TNRC6A: variants seen among roughly 807,000 people sequenced by gnomAD.
TNRC6A encodes trinucleotide repeat-containing gene 6A protein.
A neutral mutation model predicts 221.2 loss-of-function variants in TNRC6A; 44 were observed. The observed-to-expected ratio is 0.20, with a 90% CI of 0.16 to 0.26. The LOEUF is 0.26. Among genes scored for constraint, TNRC6A ranks in the 10% least tolerant of loss-of-function variants. The pLI, the probability that TNRC6A is intolerant of heterozygous loss-of-function variation, is 1.00. For missense variants in TNRC6A, 2,199 were observed against 2,404.4 expected, an observed-to-expected ratio of 0.91 and a Z score of 1.79; for synonymous variants, 847 against 838.5, an observed-to-expected ratio of 1.01 and a Z score of -0.18.
intron 2 of TNRC6A, among the ~76,000 whole-genome samples, chr16:24,706,989 GTATTTATT>G (rs899368992): frequency 1.5e-5 from 2 of 130,352 alleles, no homozygotes; most frequent in Non-Finnish European, 3.7e-5. Flanking sequence ...TTTTATTTAT[GTATTTATT>G]TATTTATTTA....
chr16:24,805,499 A>G (rs1049919103), intron 14 of TNRC6A, 106 bp from the exon 15 acceptor site: 20 of 1,466,140 alleles, frequency 1.4e-5, no homozygotes, highest in Non-Finnish European at 1.5e-5. Context: ...CCCCCAATGA[A>G]TAGTCCACAA....
chr16:24,633,774 G>A (rs1270027546), intron 1 of TNRC6A, among the ~76,000 whole-genome samples: 1 of 138,852 alleles, frequency 7.2e-6, no homozygotes, highest in Non-Finnish European at 1.5e-5. Flanking sequence ...TTAAGGTATA[G>A]AATTTATCTC....
intron 11 of TNRC6A, among the ~76,000 whole-genome samples, chr16:24,798,350 G>A (rs995290439): frequency 3.9e-5 from 6 of 152,190 alleles, no homozygotes; most frequent in Non-Finnish European, 5.9e-5. Flanking sequence ...GGCAGCCGTG[G>A]TGGTGGTAGT....
At chr16:24,799,803 G>A (rs2058296066) in intron 11 of TNRC6A, among the ~76,000 whole-genome samples, 1 of 152,182 alleles carries the variant, frequency 6.6e-6, no homozygotes, top group African/African-American at 2.4e-5. Flanking sequence ...TTTAGCTGGT[G>A]GAGTTAAGTA....
rs958174881 is a variant in TNRC6A, at chr16:24,656,152, AAAAAG to A, written n.402+15163_402+15167del. On this transcript the variant is annotated intron_variant and non_coding_transcript_variant, in intron 2 of 2. Transcript: ENST00000566108. ...ACAAGACCTTGTCTCAAAAAAAAAA[AAAAAG>A]AAAAGAAAAGAAAAGAAAAATGAGG... is the stretch of plus-strand genomic sequence containing the variant. Among the ~76,000 whole-genome samples the A allele has an allele frequency of 8.6e-5, 13 of 150,786 alleles. 1 individual carries two copies. The highest frequency in any genetic ancestry group is 7.8e-4 in the East Asian group (4 of 5,128).
chr16:24,639,611 C>G lies in TNRC6A; in HGVS notation n.277-1273C>G, dbSNP rs188777340. On this transcript the variant is annotated intron_variant and non_coding_transcript_variant, in intron 1 of 2. Coordinates refer to the TNRC6A transcript ENST00000566108. ...TTTTCATCATTCACTTATTCACCAA[C>G]TACTTACTAAATACCTGTTGTACCA... Among the ~76,000 whole-genome samples, 14 of 152,314 alleles carry G rather than the reference C, an allele frequency of 9.2e-5. No individual in the cohort carries two copies. The East Asian group carries it at 2.5e-3, about 27-fold the overall frequency.
chr16:24,758,616 A>G (rs1249479470), intron 4 of TNRC6A, among the ~76,000 whole-genome samples: 1 of 152,014 alleles, frequency 6.6e-6, no homozygotes, highest in African/African-American at 2.4e-5. Context: ...ACTGCTTCCT[A>G]ATGTACTCCC....
At chr16:24,765,630 C>T (rs780303519) in intron 4 of TNRC6A, among the ~76,000 whole-genome samples, 2 of 151,892 alleles carry the variant, frequency 1.3e-5, no homozygotes, top group Non-Finnish European at 1.5e-5. Flanking sequence ...AGGTTCATAC[C>T]GGTTAAGAAT....
intron 2 of TNRC6A, among the ~76,000 whole-genome samples, chr16:24,706,049 A>C (rs1339884788): frequency 2.0e-5 from 3 of 152,220 alleles, no homozygotes; most frequent in Admixed American, 1.3e-4. Flanking sequence ...GGAAAAAGCT[A>C]GGAAACAAAA....
At chr16:24,713,322 G>A (rs2056243364) in intron 2 of TNRC6A, among the ~76,000 whole-genome samples, 1 of 151,986 alleles carries the variant, frequency 6.6e-6, no homozygotes, top group South Asian at 2.1e-4. Context: ...GACAACTGAA[G>A]CACAAGAATT....
chr16:24,664,999 G>C, intron 2 of TNRC6A: 1 of 456,266 alleles, frequency 2.2e-6, no homozygotes, highest in Non-Finnish European at 4.4e-6. Flanking sequence ...ACATCAGAGG[G>C]GCAGGATTTG....
At chr16:24,680,012 T>A (rs2055499663) in intron 2 of TNRC6A, among the ~76,000 whole-genome samples, 1 of 152,226 alleles carries the variant, frequency 6.6e-6, no homozygotes, top group Non-Finnish European at 1.5e-5. Context: ...TAGCTACACA[T>A]AAATGTATAT....
At chr16:24,730,998 A>G (rs1170714501) in intron 2 of TNRC6A, among the ~76,000 whole-genome samples, 1 of 143,372 alleles carries the variant, frequency 7.0e-6, no homozygotes, top group Non-Finnish European at 1.5e-5. Flanking sequence ...TTTTTAAACG[A>G]TGTCTTTATG....
intron 2 of TNRC6A, among the ~76,000 whole-genome samples, chr16:24,731,345 G>A (rs963415393): frequency 1.3e-5 from 2 of 152,048 alleles, no homozygotes; most frequent in African/African-American, 2.4e-5. Context: ...ATTTTGCACC[G>A]CGTAGAATTG....
intron 1 of TNRC6A, 112 bp from the exon 2 acceptor site, chr16:24,730,141 T>G: frequency 5.8e-5 from 13 of 224,498 alleles, no homozygotes; most frequent in Non-Finnish European, 9.7e-5. Context: ...TCCTCTCCCC[T>G]CCCCCATCCG....
chr16:24,821,942 G>A, intron 22 of TNRC6A, 135 bp from the exon 23 acceptor site: 1 of 803,184 alleles, frequency 1.2e-6, no homozygotes, highest in Non-Finnish European at 2.1e-6. Flanking sequence ...TGAAATTCTG[G>A]GCCTAGGGAG....
chr16:24,655,215 G>A (rs2054885009), intron 2 of TNRC6A, among the ~76,000 whole-genome samples: 1 of 152,104 alleles, frequency 6.6e-6, no homozygotes, highest in Non-Finnish European at 1.5e-5. Flanking sequence ...CTGCACTCTA[G>A]TCTAGGTGAC....
intron 2 of TNRC6A, among the ~76,000 whole-genome samples, chr16:24,682,060 C>T (rs1480369398): frequency 1.3e-5 from 2 of 152,116 alleles, no homozygotes; most frequent in Non-Finnish European, 2.9e-5. Context: ...AGTCAACTGT[C>T]TGTAAATGTT....
chr16:24,626,949 G>A (rs1901047179), intron 1 of TNRC6A, among the ~76,000 whole-genome samples: 1 of 122,254 alleles, frequency 8.2e-6, no homozygotes, highest in Non-Finnish European at 1.6e-5. Flanking sequence ...ACCGCGCCCA[G>A]CCTGTTTTTT....
Sources: gnomAD v4.1 joint callset for allele counts (sites outside exome capture counted in the v4.1 genomes callset) on GRCh38, gnomAD v4.1.1 for gene constraint, MANE v1.5 for transcripts, NCBI Gene and HGNC (gene_info 2026-07-23, HGNC 2026-07-21) for gene names.